The following NOL4 variants were observed in gnomAD, a reference collection of about 807,000 sequenced individuals.
NOL4 encodes the protein cancer/testis antigen 125.
Under a neutral mutation model 75.9 loss-of-function variants are expected in NOL4, and 17 were observed. The observed-to-expected ratio is 0.22, with a 90% CI of 0.15 to 0.34. The LOEUF (loss-of-function observed/expected upper bound fraction) is 0.34. Ranked by LOEUF, NOL4 falls within the 10% of genes least tolerant of loss-of-function variation. The pLI is 1.00. For missense variants in NOL4, 614 were observed against 793.5 expected (o/e 0.77, Z 2.72); for synonymous variants, 292 against 289.9 (o/e 1.01, Z -0.07).
chr18:33,970,680 A>C lies in NOL4; in HGVS notation c.1057-12262T>G, dbSNP rs150060967. Among the ~76,000 whole-genome samples the C allele has an allele frequency of 8.4e-3, 1,272 of 152,162 alleles. 22 individuals carry two copies. The highest frequency in any genetic ancestry group is 0.03 in the African/African-American group (1,225 of 41,520). On this transcript the variant is annotated intron_variant, in intron 6 of 10. Transcript: ENST00000261592. Reference sequence around the variant, plus strand: ...CTTATACAGAATGTTAGATAAATCTATATATAGAACTTTCGTTACTGGAAA... The same window carrying C: ...CTTATACAGAATGTTAGATAAATCTCTATATAGAACTTTCGTTACTGGAAA...
At chr18:34,002,269 C>T (rs531777498) in intron 6 of NOL4, among the ~76,000 whole-genome samples, 1 of 151,974 alleles carries the variant, frequency 6.6e-6, no homozygotes, top group East Asian at 1.9e-4. Flanking sequence ...TCCAGTAGCC[C>T]CCCCATTCTC....
intron 1 of NOL4, among the ~76,000 whole-genome samples, chr18:34,160,200 A>G (rs1198038735): frequency 6.6e-6 from 1 of 152,204 alleles, no homozygotes; most frequent in Non-Finnish European, 1.5e-5. Flanking sequence ...AGACAAAGAA[A>G]AAGGCAAAGA....
At chr18:33,862,945 C>G (rs2063229282) in intron 10 of NOL4, among the ~76,000 whole-genome samples, 1 of 152,182 alleles carries the variant, frequency 6.6e-6, no homozygotes, top group Admixed American at 6.5e-5. Context: ...GACGATAAAT[C>G]ATGCTGCTAT....
intron 1 of NOL4, among the ~76,000 whole-genome samples, chr18:34,136,029 A>T (rs2080877359): frequency 6.6e-6 from 1 of 152,188 alleles, no homozygotes; most frequent in Non-Finnish European, 1.5e-5. Flanking sequence ...AGGTTAGTTT[A>T]ATACAATGAA....
At chr18:33,869,538 T>C (rs906411963) in intron 10 of NOL4, among the ~76,000 whole-genome samples, 2 of 151,944 alleles carry the variant, frequency 1.3e-5, no homozygotes, top group African/African-American at 4.8e-5. Context: ...GTCTAGCAAA[T>C]AGTAGACTAT....
At chr18:34,035,765 T>A (rs1208467570) in intron 5 of NOL4, among the ~76,000 whole-genome samples, 2 of 151,066 alleles carry the variant, frequency 1.3e-5, no homozygotes, top group East Asian at 1.9e-4. Context: ...AGACTCAAAT[T>A]AAAAAAAATC....
At chr18:34,162,129 G>A (rs1319197747) in intron 1 of NOL4, among the ~76,000 whole-genome samples, 1 of 152,066 alleles carries the variant, frequency 6.6e-6, no homozygotes, top group Non-Finnish European at 1.5e-5. Flanking sequence ...AGACAGGTCT[G>A]TGTATAAATT....
chr18:34,189,040 T>C (rs1010614496), intron 1 of NOL4, among the ~76,000 whole-genome samples: 2 of 152,162 alleles, frequency 1.3e-5, no homozygotes, highest in African/African-American at 4.8e-5. Flanking sequence ...TGTTCTCTGT[T>C]TCTGTAATAG....
chr18:34,093,615 A>C lies in NOL4; in HGVS notation c.640-18T>G, dbSNP rs2145553855. On this transcript the variant is annotated intron_variant, in intron 4 of 10. Coordinates refer to ENST00000261592, the MANE Select transcript of NOL4 (RefSeq NM_003787.5). ...CTTTCATCCTGAAAATAGTTTTAAA[A>C]TATCATCAAGCATTTTAACGTATAA... 1 of 1,555,088 alleles carries C rather than the reference A, an allele frequency of 6.4e-7. No homozygotes were observed. The highest frequency in any genetic ancestry group is 2.3e-5 in the East Asian group (1 of 43,256).
chr18:33,864,550 A>C (rs1193465827), intron 10 of NOL4, among the ~76,000 whole-genome samples: 1 of 152,162 alleles, frequency 6.6e-6, no homozygotes, highest in East Asian at 1.9e-4. Context: ...AAAACCATTC[A>C]ACAAGTCTCT....
At position 34,162,419 on chromosome 18, in the gene NOL4, C is replaced by T. The variant is rs190643799; in HGVS notation, c.265-32399G>A. Among the ~76,000 whole-genome samples the T allele has an allele frequency of 2.4e-4, 37 of 152,204 alleles. No homozygotes were observed. In the East Asian group the frequency reaches 6.8e-3, roughly 28 times the overall value. On this transcript the variant is annotated intron_variant, in intron 1 of 10. Transcript: ENST00000261592. ...GATAAAGGGGATATCACTACCAATC[C>T]CACAGAAATACAAACTACCATCAGA...
chr18:33,999,249 T>C, intron 6 of NOL4, among the ~76,000 whole-genome samples: 1 of 151,268 alleles, frequency 6.6e-6, no homozygotes, highest in East Asian at 2.0e-4. Flanking sequence ...GCTGGCTTAA[T>C]CAATCCTCCC....
intron 1 of NOL4, among the ~76,000 whole-genome samples, chr18:34,177,513 T>C (rs922131664): frequency 9.9e-5 from 15 of 151,950 alleles, no homozygotes; most frequent in Admixed American, 9.2e-4. Flanking sequence ...GCATGAAAAC[T>C]GAGACAGGCT....
chr18:33,930,684 T>C (rs2067629091), intron 9 of NOL4, among the ~76,000 whole-genome samples: 1 of 152,190 alleles, frequency 6.6e-6, no homozygotes, highest in Admixed American at 6.6e-5. Flanking sequence ...ACACATTTTT[T>C]AGGACTCTCT....
At chr18:34,139,336 T>A in intron 1 of NOL4, among the ~76,000 whole-genome samples, 1 of 152,358 alleles carries the variant, frequency 6.6e-6, no homozygotes, top group South Asian at 2.1e-4. Context: ...AAGCTATTAA[T>A]TATTGCATCA....
Position 34,103,964 on chromosome 18 carries a change from C to T in NOL4, c.639+83G>A, listed in dbSNP as rs1204380292. The T allele has an allele frequency of 5.7e-6, 5 of 882,494 alleles. No homozygotes were observed. The Admixed American group carries it at 9.2e-5, about 16-fold the overall frequency. The allele number at this position is 882,494 out of a possible 1,614,324, so 54.7% of individuals were successfully genotyped here. A position where few individuals can be genotyped will look rare whatever the true frequency, so the allele number is the denominator to read the frequency against. On this transcript the variant is annotated intron_variant, in intron 4 of 10. Transcript: ENST00000261592. ...AAAATAAATTACTGTCTTCAAAATG[C>T]CATCATGCTTAATATGATAGTCATG...
intron 9 of NOL4, among the ~76,000 whole-genome samples, chr18:33,885,747 T>C (rs891925364): frequency 1.3e-5 from 2 of 152,140 alleles, no homozygotes; most frequent in African/African-American, 4.8e-5. Context: ...ACAACCAATA[T>C]GGAGAACAGT....
intron 9 of NOL4, among the ~76,000 whole-genome samples, chr18:33,888,227 G>A (rs1237011863): frequency 6.6e-6 from 1 of 152,162 alleles, no homozygotes; most frequent in Non-Finnish European, 1.5e-5. Flanking sequence ...CTTCTTTTGA[G>A]AAGTGTCTGT....
intron 5 of NOL4, among the ~76,000 whole-genome samples, chr18:34,059,148 T>C (rs1392987111): frequency 7.4e-6 from 1 of 135,022 alleles, no homozygotes; most frequent in East Asian, 2.0e-4. Flanking sequence ...TATATATATA[T>C]ATATATATAC....
Sources: gnomAD v4.1 joint callset for allele counts (sites outside exome capture counted in the v4.1 genomes callset) on GRCh38, gnomAD v4.1.1 for gene constraint, MANE v1.5 for transcripts, NCBI Gene and HGNC (gene_info 2026-07-23, HGNC 2026-07-21) for gene names.